Variants in RAB14 observed in about 807,000 individuals in gnomAD.
RAB14 encodes the protein RAB14, member RAS oncogene family.
Under a neutral mutation model 31.1 loss-of-function variants are expected in RAB14, and 3 were observed. That is an observed-to-expected ratio of 0.10 (90% CI 0.04 to 0.25). The LOEUF is 0.25. Among genes scored for constraint, RAB14 ranks in the 10% least tolerant of loss-of-function variants. The pLI is 1.00. For missense variants in RAB14, 111 were observed against 260.1 expected (o/e 0.43, Z 3.94); for synonymous variants, 85 against 84.9 (o/e 1.00, Z 0.00).
chr9:121,193,737 T>C (rs939107980), intron 1 of RAB14, among the ~76,000 whole-genome samples: 22 of 152,010 alleles, frequency 1.4e-4, no homozygotes, highest in African/African-American at 5.3e-4. Context: ...AATCTGAAAA[T>C]TGTCAAACAA....
chr9:121,201,314 C>T (rs1404592939), intron 1 of RAB14, among the ~76,000 whole-genome samples: 1 of 152,106 alleles, frequency 6.6e-6, no homozygotes, highest in African/African-American at 2.4e-5. Flanking sequence ...AGATGCGGTC[C>T]TGCCCAGCCG....
intron 4 of RAB14, 31 bp downstream of exon 4, chr9:121,190,523 C>T: frequency 1.3e-6 from 2 of 1,512,540 alleles, no homozygotes; most frequent in African/African-American, 1.4e-5. Flanking sequence ...ATTTATTTTC[C>T]CCATATGAAG....
chr9:121,191,294 C>T (rs777069746), intron 3 of RAB14, among the ~76,000 whole-genome samples: 3 of 151,878 alleles, frequency 2.0e-5, no homozygotes, highest in Non-Finnish European at 2.9e-5. Context: ...GATTCTTATC[C>T]CAGAAAATAT....
intron 4 of RAB14, among the ~76,000 whole-genome samples, chr9:121,188,669 C>CTTTTTTTTTTACATTTT (rs2053670901): frequency 6.6e-6 from 1 of 151,884 alleles, no homozygotes; most frequent in African/African-American, 2.4e-5. Flanking sequence ...TAAAAAGGGA[C>CTTTTTTTTTTACATTTT]TTTTACGTTT....
intron 1 of RAB14, among the ~76,000 whole-genome samples, chr9:121,199,191 A>G (rs185695350): frequency 1.6e-3 from 246 of 152,304 alleles, no homozygotes; most frequent in Admixed American, 3.5e-3. Flanking sequence ...TACTACCGAT[A>G]TTGTGTCTGA....
chr9:121,189,787 C>T (rs542178813), intron 4 of RAB14, among the ~76,000 whole-genome samples: 4 of 152,188 alleles, frequency 2.6e-5, no homozygotes, highest in East Asian at 1.9e-4. Context: ...TGGTCCCACT[C>T]GCCCATCTTT....
At chr9:121,201,431 G>A (rs2053778904) in intron 1 of RAB14, among the ~76,000 whole-genome samples, 1 of 152,024 alleles carries the variant, frequency 6.6e-6, no homozygotes, top group South Asian at 2.1e-4. Flanking sequence ...GCCGCGCAGG[G>A]GACACCTCCG....
At chr9:121,197,156 T>C (rs2053722080) in intron 1 of RAB14, among the ~76,000 whole-genome samples, 2 of 152,174 alleles carry the variant, frequency 1.3e-5, no homozygotes, top group African/African-American at 4.8e-5. Flanking sequence ...GCATGTAAAA[T>C]TTAGCTATAA....
Position 121,178,230 on chromosome 9 carries a change from G to T in RAB14, c.*3166C>A, listed in dbSNP as rs2053607839. The T allele has an allele frequency of 6.6e-6, 1 of 150,630 alleles. No homozygotes were observed. The highest frequency in any genetic ancestry group is 2.5e-5 in the African/African-American group (1 of 40,108). The allele number at this position is 150,630 out of a possible 1,614,324, so 9.3% of individuals were successfully genotyped here. On this transcript the variant is annotated 3_prime_UTR_variant, in exon 8 of 8. Transcript: ENST00000373840. ...TGGAGTTACAATAAAGACAATGAAA[G>T]TGACAATTTATTAATACACAGTAAG...
rs537695420 is a variant in RAB14 at position 121,182,988 on chromosome 9, G to C, written c.440-28C>G. On this transcript the variant is annotated intron_variant, in intron 6 of 7. Coordinates refer to ENST00000373840, the MANE Select transcript of RAB14 (RefSeq NM_016322.4). ...AAAAATAAAATTCAGACTATAATTA[G>C]GACACTTCAAACTAACTCACAAGTG... 6.6e-5 allele frequency: 105 copies of C among 1,595,358 alleles called. No homozygotes were observed. The African/African-American group carries it at 1.3e-3, about 20-fold the overall frequency.
In RAB14 at chr9:121,181,535, T is replaced by C; in HGVS notation, c.509A>G (p.Lys170Arg). The stretch of plus-strand genomic sequence containing the variant: ...ATCCTGAATGTTCTGATAGATTTTC[T>C]TGGCAGCCTCAAGGAAGGCATCTTC... ...NVEDAFLEAA[K>R]KIYQNIQDGS... Residue 170 changes from lysine (K) to arginine (R), a missense_variant, in exon 8 of 8, where the codon AAG becomes AGG. By Grantham distance (26) the Lys-to-Arg change is conservative. Transcript: ENST00000373840. 6.2e-7 allele frequency: 1 copy of C among 1,613,070 alleles called. No individual in the cohort carries two copies. Among genetic ancestry groups the C allele is most frequent in the Non-Finnish European group, 8.5e-7 (1 of 1,179,198 alleles).
chr9:121,180,141 T>C lies in RAB14; in HGVS notation c.*1255A>G, dbSNP rs79418907. On this transcript the variant is annotated 3_prime_UTR_variant, in exon 8 of 8. Transcript: ENST00000373840. ...CAAAACAATTTATGCCAACATGACA[T>C]AAAACAGCCCCTCACACTGTGAACA... The C allele has an allele frequency of 6.6e-6, 1 of 152,616 alleles. No individual in the cohort carries two copies. The highest frequency in any genetic ancestry group is 1.5e-5 in the Non-Finnish European group (1 of 68,030). 9.5% of individuals were successfully genotyped at this position (152,616 alleles called of 1,614,324 possible). A position where few individuals can be genotyped will look rare whatever the true frequency, so the allele number is the denominator to read the frequency against.
At position 121,180,805 on chromosome 9, in the gene RAB14, T is replaced by G. The variant is rs1227361723; in HGVS notation, c.*591A>C. The G allele has an allele frequency of 6.6e-6, 1 of 152,624 alleles. No homozygotes were observed. The highest frequency in any genetic ancestry group is 2.4e-5 in the African/African-American group (1 of 41,454). The allele number at this position is 152,624 out of a possible 1,614,324, so 9.5% of individuals were successfully genotyped here. Reference sequence around the variant, plus strand: ...GTATAAAAAAAGATAAAGCTATTAATTAAGCACGAGAGAGAAGATAAATGG... The same window carrying G: ...GTATAAAAAAAGATAAAGCTATTAAGTAAGCACGAGAGAGAAGATAAATGG... On this transcript the variant is annotated 3_prime_UTR_variant, in exon 8 of 8. Transcript: ENST00000373840.
Position 121,186,027 on chromosome 9 carries a change from A to G in RAB14, c.351+926T>C, listed in dbSNP as rs118109679. 1.2e-4 allele frequency among the ~76,000 whole-genome samples: 19 copies of G among 152,318 alleles called. No individual in the cohort carries two copies. The East Asian group carries it at 3.5e-3, about 28-fold the overall frequency. On this transcript the variant is annotated intron_variant, in intron 5 of 7. Coordinates refer to ENST00000373840, the MANE Select transcript of RAB14 (RefSeq NM_016322.4). ...CTGATAAAAGCTCATCTTACCACTG[A>G]TAACACAGTTCTTGAAGGAGGCCTC...
Position 121,190,640 on chromosome 9 carries a change from A to G in RAB14, c.198T>C (p.Asp66=). The G allele has an allele frequency of 6.2e-7, 1 of 1,613,410 alleles. No homozygotes were observed. Among genetic ancestry groups the G allele is most frequent in the African/African-American group, 1.3e-5 (1 of 74,968 alleles). Residue 66 remains aspartate, a synonymous_variant, in exon 4 of 8, where the codon GAT becomes GAC. Transcript: ENST00000373840. ...SGQKIKLQIW[D]TAGQERFRAV... is the part of the protein sequence containing the mutation. The stretch of plus-strand genomic sequence containing the variant: ...CCCTAAATCGCTCCTGTCCTGCCGT[A>G]TCCCAAATCTGCAGTTTTATTTTTT...
chr9:121,187,096 T>A, intron 4 of RAB14, 77 bp from the exon 5 acceptor site: 2 of 792,022 alleles, frequency 2.5e-6, no homozygotes, highest in Non-Finnish European at 3.8e-6. Flanking sequence ...AATACATATT[T>A]AATCAACATA....
At chr9:121,189,977 A>G (rs2053678180) in intron 4 of RAB14, among the ~76,000 whole-genome samples, 1 of 152,160 alleles carries the variant, frequency 6.6e-6, no homozygotes, top group African/African-American at 2.4e-5. Context: ...CTTTACATCA[A>G]GTGCTTTGGA....
In RAB14 at chr9:121,190,488, AT is replaced by A. The variant is rs577410706; in HGVS notation, c.284+65del. The A allele has an allele frequency of 4.5e-3, 6,252 of 1,383,782 alleles. 24 individuals are homozygous for A. The highest frequency in any genetic ancestry group is 6.5e-3 in the African/African-American group (441 of 68,002). 85.7% of individuals were successfully genotyped at this position (1,383,782 alleles called of 1,614,324 possible). A position where few individuals can be genotyped will look rare whatever the true frequency, so the allele number is the denominator to read the frequency against. ...TACAAACTAAAAAAAATGCCTATCAATTTTTTTTTAAATGCCCAAAGTAGAT... is the reference window on the plus strand; with the variant it reads ...TACAAACTAAAAAAAATGCCTATCAATTTTTTTTAAATGCCCAAAGTAGAT... On this transcript the variant is annotated intron_variant, in intron 4 of 7. Coordinates refer to ENST00000373840, the MANE Select transcript of RAB14 (RefSeq NM_016322.4).
intron 1 of RAB14, among the ~76,000 whole-genome samples, chr9:121,196,751 G>A (rs977025194): frequency 2.5e-4 from 38 of 152,234 alleles, no homozygotes; most frequent in Admixed American, 1.7e-3. Context: ...ACATTCAGAG[G>A]ATGCACTGCA....
Sources: allele counts gnomAD v4.1 joint callset (sites outside exome capture counted in the v4.1 genomes callset), GRCh38; gene constraint gnomAD v4.1.1; transcripts MANE v1.5; gene names NCBI Gene and HGNC (gene_info 2026-07-23, HGNC 2026-07-21).